FNDC3B: variants seen among roughly 807,000 people sequenced by gnomAD.
FNDC3B encodes the protein fibronectin type III domain containing 3B, also known as fibronectin type III domain-containing protein 3B.
A neutral mutation model predicts 151.5 loss-of-function variants in FNDC3B; 12 were observed. The observed-to-expected ratio is 0.08, with a 90% CI of 0.05 to 0.13. The LOEUF (loss-of-function observed/expected upper bound fraction) is 0.13, where lower values mean the gene tolerates loss of function less well. Among genes scored for constraint, FNDC3B ranks in the 10% least tolerant of loss-of-function variants. The pLI is 1.00. For missense variants in FNDC3B, 1,214 were observed against 1,505.3 expected (o/e 0.81, Z 3.20); for synonymous variants, 528 against 549.0 (o/e 0.96, Z 0.54).
At chr3:172,217,375 T>C (rs1401609995) in intron 3 of FNDC3B, among the ~76,000 whole-genome samples, 1 of 152,254 alleles carries the variant, frequency 6.6e-6, no homozygotes, top group African/African-American at 2.4e-5. Flanking sequence ...TCACCAACTT[T>C]CTGTACCATT....
At chr3:172,071,937 G>A (rs985264730) in intron 1 of FNDC3B, among the ~76,000 whole-genome samples, 5 of 151,854 alleles carry the variant, frequency 3.3e-5, no homozygotes, top group African/African-American at 1.2e-4. Flanking sequence ...TCCAATCCCA[G>A]TGCTAAGTGG....
intron 3 of FNDC3B, among the ~76,000 whole-genome samples, chr3:172,161,882 T>C (rs946628780): frequency 6.6e-6 from 1 of 152,170 alleles, no homozygotes; most frequent in Non-Finnish European, 1.5e-5. Context: ...CCACCAGTAA[T>C]GTACCTTCTA....
Position 172,344,077 on chromosome 3 carries a change from C to A in FNDC3B, c.2078-9C>A. On this transcript the variant is annotated splice_polypyrimidine_tract_variant and intron_variant, in intron 18 of 25. Coordinates refer to ENST00000415807, the MANE Select transcript of FNDC3B (RefSeq NM_022763.4). ...GTGTTCTAAGATGAAAAAAATTCTT[C>A]ATTCCCAGATGTTCCTGCATCGGAA... 1 of 1,601,568 alleles carries A rather than the reference C, an allele frequency of 6.2e-7. No individual in the cohort carries two copies. Among genetic ancestry groups the A allele is most frequent in the Non-Finnish European group, 8.5e-7 (1 of 1,173,404 alleles).
chr3:172,338,822 C>T (rs563031874), intron 16 of FNDC3B, among the ~76,000 whole-genome samples: 2 of 152,228 alleles, frequency 1.3e-5, no homozygotes, highest in Admixed American at 1.3e-4. Flanking sequence ...CTGCAAGCTC[C>T]GCCTCCTGGG....
chr3:172,308,987 C>G (rs1694789029), intron 10 of FNDC3B, among the ~76,000 whole-genome samples: 1 of 152,220 alleles, frequency 6.6e-6, no homozygotes, highest in Non-Finnish European at 1.5e-5. Flanking sequence ...GATGCATACT[C>G]TGCTTAAAAC....
intron 1 of FNDC3B, among the ~76,000 whole-genome samples, chr3:172,075,343 G>A (rs1282546202): frequency 6.6e-6 from 1 of 152,072 alleles, no homozygotes; most frequent in East Asian, 1.9e-4. Context: ...TCTAGTCCTG[G>A]TTCTGCCTCT....
chr3:172,384,010 T>TAA lies in FNDC3B; in HGVS notation c.3303+2924_3303+2925dup, dbSNP rs5854469. On this transcript the variant is annotated intron_variant, in intron 25 of 25. Transcript: ENST00000415807. ...TTCTCTGAAACAGTAGCATAATTTA[T>TAA]AAAAAAAACTTTGTTCAGTTCCAAA... Among the ~76,000 whole-genome samples, 412 of 152,062 alleles carry TAA rather than the reference T, an allele frequency of 2.7e-3. 3 individuals carry two copies. The highest frequency in any genetic ancestry group is 0.014 in the Middle Eastern group (4 of 294).
At chr3:172,177,429 T>C (rs1255515469) in intron 3 of FNDC3B, among the ~76,000 whole-genome samples, 1 of 152,150 alleles carries the variant, frequency 6.6e-6, no homozygotes, top group Admixed American at 6.6e-5. Context: ...TGCTTTTTGA[T>C]AGAAGGTGAG....
chr3:172,332,685 T>G (rs1303575402), intron 13 of FNDC3B, among the ~76,000 whole-genome samples: 1 of 152,124 alleles, frequency 6.6e-6, no homozygotes, highest in Non-Finnish European at 1.5e-5. Context: ...AGCTGTCCTT[T>G]CTCCCATGGC....
intron 2 of FNDC3B, among the ~76,000 whole-genome samples, chr3:172,116,373 A>G (rs73167206): frequency 3.9e-5 from 6 of 152,212 alleles, no homozygotes; most frequent in Admixed American, 1.3e-4. Context: ...ATTTTAGAAC[A>G]TTTTTATCAC....
At chr3:172,084,484 CAT>C (rs1284883121) in intron 1 of FNDC3B, among the ~76,000 whole-genome samples, 11 of 151,678 alleles carry the variant, frequency 7.3e-5, no homozygotes, top group South Asian at 2.1e-4. Flanking sequence ...CACACACACA[CAT>C]ACACACACAC....
chr3:172,366,033 C>T (rs2108348625), intron 23 of FNDC3B, among the ~76,000 whole-genome samples: 2 of 152,068 alleles, frequency 1.3e-5, no homozygotes, highest in South Asian at 4.2e-4. Flanking sequence ...AAAAGGTGTC[C>T]CTTGTAAATG....
intron 6 of FNDC3B, among the ~76,000 whole-genome samples, chr3:172,271,324 A>G (rs1442989610): frequency 6.6e-6 from 1 of 152,226 alleles, no homozygotes; most frequent in Non-Finnish European, 1.5e-5. Context: ...AGGTTTTAAT[A>G]TAGAAACTGT....
chr3:172,085,933 A>G (rs926398406), intron 1 of FNDC3B, among the ~76,000 whole-genome samples: 2 of 152,216 alleles, frequency 1.3e-5, no homozygotes, highest in African/African-American at 4.8e-5. Context: ...CATAGTCTCT[A>G]TTCTAGAGAG....
At chr3:172,086,626 T>C (rs1297979156) in intron 1 of FNDC3B, among the ~76,000 whole-genome samples, 1 of 152,228 alleles carries the variant, frequency 6.6e-6, no homozygotes, top group East Asian at 1.9e-4. Context: ...ACATTTCTTA[T>C]TTTCATATAA....
chr3:172,316,397 A>G, intron 11 of FNDC3B: 1 of 455,232 alleles, frequency 2.2e-6, no homozygotes, highest in South Asian at 1.5e-5. Context: ...AGAGGGCTCT[A>G]GGTTAGGGAA....
At chr3:172,372,404 G>A (rs888185588) in intron 23 of FNDC3B, among the ~76,000 whole-genome samples, 1 of 152,192 alleles carries the variant, frequency 6.6e-6, no homozygotes, top group Admixed American at 6.5e-5. Flanking sequence ...GCCTCAGCCT[G>A]AACTCATACT....
Position 172,330,605 on chromosome 3 carries a change from A to G in FNDC3B, c.1444A>G (p.Arg482Gly), listed in dbSNP as rs1391053187. 1 of 1,614,178 alleles carries G rather than the reference A, an allele frequency of 6.2e-7. No individual in the cohort carries two copies. The highest frequency in any genetic ancestry group is 8.5e-7 in the Non-Finnish European group (1 of 1,180,008). ...GNIPQMPSAPRLVRAGITWVT... is the reference protein window; with the variant it reads ...GNIPQMPSAPGLVRAGITWVT... ...TATCCCTCAGATGCCTTCTGCACCA[A>G]GGCTGGTTCGAGCTGGCATCACATG... Residue 482 changes from arginine (R) to glycine (G), a missense_variant, in exon 13 of 26, where the codon AGG becomes GGG. By Grantham distance (125) the Arg-to-Gly change is moderately radical. This residue lies in a region of FNDC3B where 111 missense variants were observed against 96.8 expected (regional missense o/e 1.15). Coordinates refer to ENST00000415807, the MANE Select transcript of FNDC3B (RefSeq NM_022763.4).
rs527715148 is a variant in FNDC3B, at chr3:172,166,146, T to G, written c.187+32600T>G. Among the ~76,000 whole-genome samples the G allele has an allele frequency of 7.7e-4, 117 of 152,256 alleles. 1 individual carries two copies. Among genetic ancestry groups the G allele is most frequent in the Non-Finnish European group, 1.2e-4 (8 of 68,022 alleles). On this transcript the variant is annotated intron_variant, in intron 3 of 25. Coordinates refer to ENST00000415807, the MANE Select transcript of FNDC3B (RefSeq NM_022763.4). ...TCTTTGCAAATTTGCTTTACATTGG[T>G]GAAAAAAGTCATCATTTCGAAGCCA...
Sources: allele counts gnomAD v4.1 joint callset (sites outside exome capture counted in the v4.1 genomes callset), GRCh38; gene constraint gnomAD v4.1.1; regional missense constraint gnomAD v4.1.1; transcripts MANE v1.5; gene names NCBI Gene and HGNC (gene_info 2026-07-23, HGNC 2026-07-21).